The following RNF38 variants were observed in gnomAD, a reference collection of about 807,000 sequenced individuals.
The protein encoded by RNF38 is ring finger protein 38, also known as E3 ubiquitin-protein ligase RNF38.
A neutral mutation model predicts 67.2 loss-of-function variants in RNF38; 15 were observed. That is an observed-to-expected ratio of 0.22 (90% CI 0.15 to 0.34). The LOEUF is 0.34. Among genes scored for constraint, RNF38 ranks in the 10% least tolerant of loss-of-function variants. The pLI, the probability that RNF38 is intolerant of heterozygous loss-of-function variation, is 1.00. For missense variants in RNF38, 524 were observed against 639.9 expected, an observed-to-expected ratio of 0.82 and a Z score of 1.95; for synonymous variants, 220 against 218.8, an observed-to-expected ratio of 1.01 and a Z score of -0.05.
At chr9:36,347,984 G>A (rs1362687446) in intron 9 of RNF38, among the ~76,000 whole-genome samples, 5 of 152,284 alleles carry the variant, frequency 3.3e-5, no homozygotes, top group Middle Eastern at 6.8e-3. Context: ...GCTGAGGCGG[G>A]AGAATGACGT....
intron 1 of RNF38, among the ~76,000 whole-genome samples, chr9:36,445,962 G>A (rs1002134793): frequency 2.6e-5 from 4 of 152,160 alleles, no homozygotes; most frequent in African/African-American, 7.2e-5. Context: ...TCCCTGAGTT[G>A]TTTTATTCTC....
chr9:36,348,261 C>T (rs1159646678), intron 9 of RNF38, among the ~76,000 whole-genome samples: 1 of 151,728 alleles, frequency 6.6e-6, no homozygotes, highest in Non-Finnish European at 1.5e-5. Context: ...AATCCCAACA[C>T]TTGGACTAGC....
At chr9:36,387,044 C>A (rs1230474575) in intron 2 of RNF38, among the ~76,000 whole-genome samples, 7 of 152,188 alleles carry the variant, frequency 4.6e-5, no homozygotes, top group Non-Finnish European at 8.8e-5. Flanking sequence ...CTCAAGTGAT[C>A]CACCTGCTTC....
chr9:36,342,592 G>GT (rs1315309705), intron 10 of RNF38, among the ~76,000 whole-genome samples, 168 bp from the exon 11 acceptor site: 1 of 152,156 alleles, frequency 6.6e-6, no homozygotes, highest in East Asian at 1.9e-4. Flanking sequence ...GGCAGTAAGA[G>GT]TTTTGCTTTG....
intron 1 of RNF38, among the ~76,000 whole-genome samples, chr9:36,439,891 A>C (rs964770187): frequency 6.6e-6 from 1 of 152,000 alleles, no homozygotes; most frequent in African/African-American, 2.4e-5. Context: ...TTTGTAACTG[A>C]GAACATTTTA....
intron 4 of RNF38, among the ~76,000 whole-genome samples, chr9:36,360,518 T>G (rs1030946128): frequency 7.2e-5 from 11 of 152,196 alleles, no homozygotes; most frequent in African/African-American, 2.4e-4. Flanking sequence ...TCCCAAAATC[T>G]GAAATCCAAA....
At chr9:36,430,681 G>A (rs1838909636) in intron 1 of RNF38, among the ~76,000 whole-genome samples, 1 of 152,050 alleles carries the variant, frequency 6.6e-6, no homozygotes, top group Non-Finnish European at 1.5e-5. Context: ...AGTAGTGAAA[G>A]GACTGGTTCT....
intron 2 of RNF38, among the ~76,000 whole-genome samples, chr9:36,380,142 G>A (rs1207585487): frequency 2.0e-5 from 3 of 152,172 alleles, no homozygotes; most frequent in Non-Finnish European, 4.4e-5. Context: ...TAAAATCACG[G>A]ACATTTAGTG....
intron 1 of RNF38, among the ~76,000 whole-genome samples, chr9:36,446,556 C>T (rs1417514539): frequency 6.6e-6 from 1 of 152,046 alleles, no homozygotes; most frequent in African/African-American, 2.4e-5. Flanking sequence ...CCTGTAATCC[C>T]AACACTTTGG....
intron 4 of RNF38, among the ~76,000 whole-genome samples, chr9:36,361,592 T>C (rs1448679051): frequency 1.3e-5 from 2 of 152,146 alleles, no homozygotes; most frequent in Non-Finnish European, 2.9e-5. Flanking sequence ...CACTTGAGCA[T>C]TCAAAAAAGG....
At chr9:36,477,430 C>T (rs1224947515) in intron 1 of RNF38, among the ~76,000 whole-genome samples, 1 of 152,000 alleles carries the variant, frequency 6.6e-6, no homozygotes, top group Non-Finnish European at 1.5e-5. Context: ...AATCCCAGCA[C>T]TTTAGGAGGC....
chr9:36,480,871 C>T (rs922134035), intron 1 of RNF38, among the ~76,000 whole-genome samples: 1 of 151,348 alleles, frequency 6.6e-6, no homozygotes, highest in Non-Finnish European at 1.5e-5. Flanking sequence ...TATATTTGGT[C>T]CTCTTACTAC....
chr9:36,461,382 G>A (rs1417086502), intron 1 of RNF38, among the ~76,000 whole-genome samples: 1 of 152,212 alleles, frequency 6.6e-6, no homozygotes, highest in Non-Finnish European at 1.5e-5. Context: ...GAAGGCCTCA[G>A]AAGAAAGCTG....
rs1197371699 is a variant in RNF38 at position 36,376,093 on chromosome 9, A to C, written c.197T>G (p.Leu66Arg). ...EDSPSPKRQR[L>R]SHSVFDYTSA... The stretch of plus-strand genomic sequence containing the variant: ...TGTATAATCAAAGACTGAATGAGAG[A>C]GGCGCTGTCTCTTAGGACTTGGACT... Residue 66 changes from leucine (L) to arginine (R), a missense_variant, in exon 3 of 12, where the codon CTC (leucine) becomes CGC (arginine). Leu to Arg is a moderately radical substitution (Grantham distance 102). Transcript: ENST00000259605. 4.4e-6 allele frequency: 7 copies of C among 1,606,854 alleles called. No individual in the cohort carries two copies. In the African/African-American group the frequency reaches 8.0e-5, roughly 18 times the overall value.
intron 4 of RNF38, among the ~76,000 whole-genome samples, chr9:36,365,396 A>G (rs1051316969): frequency 6.6e-6 from 1 of 151,514 alleles, no homozygotes; most frequent in African/African-American, 2.4e-5. Flanking sequence ...GTGAAACCCC[A>G]CCTCTACTAA....
intron 1 of RNF38, among the ~76,000 whole-genome samples, chr9:36,432,167 C>G (rs1363756419): frequency 6.6e-6 from 1 of 151,646 alleles, no homozygotes; most frequent in African/African-American, 2.4e-5. Context: ...CAGAGTCTCA[C>G]TCTATTGCAC....
chr9:36,478,424 G>C (rs1237314264), intron 1 of RNF38, among the ~76,000 whole-genome samples: 1 of 112,826 alleles, frequency 8.9e-6, no homozygotes, highest in African/African-American at 3.1e-5. Context: ...AAAAAAAAAA[G>C]AGAGCGTTTA....
At chr9:36,385,441 C>T (rs898031703) in intron 2 of RNF38, among the ~76,000 whole-genome samples, 8 of 151,154 alleles carry the variant, frequency 5.3e-5, no homozygotes, top group South Asian at 4.2e-4. Flanking sequence ...TGCAATGGCG[C>T]GATCTCGGCT....
At chr9:36,377,734 G>A (rs1181200739) in intron 2 of RNF38, among the ~76,000 whole-genome samples, 2 of 151,930 alleles carry the variant, frequency 1.3e-5, no homozygotes, top group African/African-American at 2.4e-5. Context: ...TGCATATAAC[G>A]TACACACATC....
Sources: gnomAD v4.1 joint callset for allele counts (sites outside exome capture counted in the v4.1 genomes callset) on GRCh38, gnomAD v4.1.1 for gene constraint, MANE v1.5 for transcripts, NCBI Gene and HGNC (gene_info 2026-07-23, HGNC 2026-07-21) for gene names.